Variants in SHOC1 observed in about 807,000 individuals in gnomAD.
The protein encoded by SHOC1 is protein shortage in chiasmata 1 ortholog.
Under a neutral mutation model 179.2 loss-of-function variants are expected in SHOC1, and 136 were observed. That is an observed-to-expected ratio of 0.76 (90% CI 0.66 to 0.87). The LOEUF is 0.87. SHOC1 is among the 40% of genes least tolerant of loss of function. The pLI is 0.00. For missense variants in SHOC1, 1,538 were observed against 1,700.8 expected, an observed-to-expected ratio of 0.90 and a Z score of 1.68; for synonymous variants, 489 against 586.6, an observed-to-expected ratio of 0.83 and a Z score of 2.41.
intron 4 of SHOC1, among the ~76,000 whole-genome samples, chr9:111,779,178 CATTAT>C (rs1242554124): frequency 6.7e-6 from 1 of 149,250 alleles, no homozygotes; most frequent in African/African-American, 2.5e-5. Flanking sequence ...ACCCTGAAAA[CATTAT>C]ATTAAGTAAA....
chr9:111,790,630 C>T (rs959237031), intron 2 of SHOC1, among the ~76,000 whole-genome samples: 7 of 53,904 alleles, frequency 1.3e-4, no homozygotes, highest in African/African-American at 4.8e-4. Context: ...CTGCAACCTC[C>T]ACTTCCCAGA....
chr9:111,738,967 C>T (rs1482400415), intron 11 of SHOC1, among the ~76,000 whole-genome samples: 2 of 151,818 alleles, frequency 1.3e-5, no homozygotes, highest in South Asian at 2.1e-4. Flanking sequence ...TGTGGTACAG[C>T]GCTTACTGCC....
intron 5 of SHOC1, chr9:111,759,092 C>T: frequency 2.0e-6 from 3 of 1,473,748 alleles, no homozygotes; most frequent in Non-Finnish European, 2.7e-6. Flanking sequence ...CCCAAAAGAG[C>T]TGTAACGGCT....
intron 5 of SHOC1, chr9:111,759,280 C>T: frequency 6.2e-7 from 1 of 1,613,064 alleles, no homozygotes; most frequent in Non-Finnish European, 8.5e-7. Flanking sequence ...CCCCCAGAGT[C>T]TCTGACATGT....
In SHOC1 at chr9:111,727,829, AT is replaced by A; in HGVS notation, c.1637del (p.Asn546IlefsTer21). On this transcript the variant is annotated frameshift_variant, in exon 13 of 28. Coordinates refer to ENST00000682961, the MANE Select transcript of SHOC1 (RefSeq NM_001378211.1). LOFTEE classifies it high-confidence loss of function. Reference protein sequence around the residue: ...PVNRIIQKKENNDHFELDCTG... With the variant: ...PVNRIIQKKEXNDHFELDCTG... The stretch of plus-strand genomic sequence containing the variant: ...TGCAGTCAAGTTCAAAGTGATCGTT[AT>A]TTTCTTTCTTTTGGATTATTCTGTT... The A allele has an allele frequency of 6.2e-7, 1 of 1,611,358 alleles. No individual in the cohort carries two copies. The highest frequency in any genetic ancestry group is 8.5e-7 in the Non-Finnish European group (1 of 1,179,120).
In SHOC1 at chr9:111,720,300, T is replaced by C. The variant is rs142894445; in HGVS notation, c.2132-2012A>G. On this transcript the variant is annotated intron_variant, in intron 15 of 27. Transcript: ENST00000682961. Reference sequence around the variant, plus strand: ...AAATGTTACTCATTGTCTTTGCATTTATATTATTTATGTCAAAAAATCTCA... The same window carrying C: ...AAATGTTACTCATTGTCTTTGCATTCATATTATTTATGTCAAAAAATCTCA... Among the ~76,000 whole-genome samples, 297 of 152,340 alleles carry C rather than the reference T, an allele frequency of 1.9e-3. 6 individuals carry two copies. The East Asian group carries it at 0.051, about 26-fold the overall frequency.
At chr9:111,702,623 G>A (rs551578162) in intron 22 of SHOC1, among the ~76,000 whole-genome samples, 16 of 152,360 alleles carry the variant, frequency 1.1e-4, no homozygotes, top group African/African-American at 3.8e-4. Flanking sequence ...CAGAAAATAT[G>A]TTTAAAACCT....
intron 5 of SHOC1, among the ~76,000 whole-genome samples, chr9:111,769,635 T>C (rs1376834440): frequency 1.3e-5 from 2 of 151,968 alleles, no homozygotes; most frequent in Admixed American, 1.3e-4. Context: ...GCCACCACAA[T>C]TGGCTAATAT....
intron 27 of SHOC1, among the ~76,000 whole-genome samples, chr9:111,690,513 T>A (rs943600261): frequency 6.6e-6 from 1 of 152,034 alleles, no homozygotes; most frequent in African/African-American, 2.4e-5. Flanking sequence ...CAAAAACCAG[T>A]TATGTTTATC....
At chr9:111,748,789 TC>T (rs1458035550) in intron 8 of SHOC1, among the ~76,000 whole-genome samples, 930 of 52,998 alleles carry the variant, frequency 0.018, 17 homozygotes, top group African/African-American at 0.062. Context: ...CTCCCTCCCC[TC>T]CCCCCCTTCC....
intron 3 of SHOC1, 99 bp from the exon 4 acceptor site, chr9:111,781,116 AT>A: frequency 1.2e-6 from 1 of 817,380 alleles, no homozygotes. Flanking sequence ...TTTTATCTTT[AT>A]TTATTCACAA....
chr9:111,720,073 G>A (rs1296643790), intron 15 of SHOC1, among the ~76,000 whole-genome samples: 1 of 152,172 alleles, frequency 6.6e-6, no homozygotes, highest in Non-Finnish European at 1.5e-5. Flanking sequence ...GTGGACTGGG[G>A]AAGGAGACCA....
intron 27 of SHOC1, among the ~76,000 whole-genome samples, chr9:111,688,277 AAT>A (rs1446907274): frequency 6.6e-6 from 1 of 152,160 alleles, no homozygotes; most frequent in Non-Finnish European, 1.5e-5. Context: ...AAAATGCTTA[AAT>A]TTCTTTTTCT....
At chr9:111,694,124 A>G in intron 25 of SHOC1, 107 bp downstream of exon 25, 1 of 1,211,898 alleles carries the variant, frequency 8.3e-7, no homozygotes. Context: ...TGCACCTACC[A>G]CTCAATTTGA....
At chr9:111,779,134 G>A (rs1835944242) in intron 4 of SHOC1, among the ~76,000 whole-genome samples, 2 of 146,616 alleles carry the variant, frequency 1.4e-5, no homozygotes, top group Non-Finnish European at 3.0e-5. Flanking sequence ...GAGAGAGAGA[G>A]ATGAAGCACA....
chr9:111,781,048 T>C (rs1836020891), intron 3 of SHOC1, 31 bp from the exon 4 acceptor site: 1 of 1,488,352 alleles, frequency 6.7e-7, no homozygotes, highest in Non-Finnish European at 9.3e-7. Flanking sequence ...CATTAATGTC[T>C]AGAATTTTCT....
At chr9:111,734,843 A>G (rs1589422877) in intron 12 of SHOC1, among the ~76,000 whole-genome samples, 1 of 152,070 alleles carries the variant, frequency 6.6e-6, no homozygotes, top group Non-Finnish European at 1.5e-5. Flanking sequence ...TTAATTTTAG[A>G]TTTAGGAGTA....
chr9:111,741,556 G>T lies in SHOC1; in HGVS notation c.1094C>A (p.Ala365Asp). Residue 365 changes from alanine to aspartate, a missense_variant, in exon 11 of 28, where the codon GCT becomes GAT. Transcript: ENST00000682961. Reference protein sequence around the residue: ...SPVCKINLLTAEESANEYYMM... With the variant: ...SPVCKINLLTDEESANEYYMM... ...GTAGTATTCATTAGCTGATTCTTCA[G>T]CAGTAAGCAAATTACTGAAAAAAAG... 1 of 1,602,510 alleles carries T rather than the reference G, an allele frequency of 6.2e-7. No individual in the cohort carries two copies. Among genetic ancestry groups the T allele is most frequent in the Non-Finnish European group, 8.5e-7 (1 of 1,173,048 alleles).
chr9:111,780,578 TTAAA>T (rs887678695), intron 4 of SHOC1, among the ~76,000 whole-genome samples: 3 of 152,176 alleles, frequency 2.0e-5, no homozygotes, highest in Admixed American at 2.0e-4. Context: ...TGATGAATGC[TTAAA>T]TAATAAATAA....
Sources: allele counts gnomAD v4.1 joint callset (sites outside exome capture counted in the v4.1 genomes callset), GRCh38; gene constraint gnomAD v4.1.1; transcripts MANE v1.5; gene names NCBI Gene and HGNC (gene_info 2026-07-23, HGNC 2026-07-21).